PCDHGB1: variants seen among roughly 807,000 people sequenced by gnomAD.
PCDHGB1 encodes protocadherin gamma-B1.
Under a neutral mutation model 56.6 loss-of-function variants are expected in PCDHGB1, and 34 were observed. That is an observed-to-expected ratio of 0.60 (90% confidence interval 0.46 to 0.80). The LOEUF is 0.80. Ranked by LOEUF, PCDHGB1 falls within the 30% of genes least tolerant of loss-of-function variation. PCDHGB1 has a pLI of 0.00. For synonymous variants in PCDHGB1, 561 were observed against 505.9 expected (o/e 1.11, Z -1.46); for missense variants, 1,278 against 1,204.6 (o/e 1.06, Z -0.90).
chr5:141,364,757 A>G, intron 1 of PCDHGB1: 4 of 1,613,960 alleles, frequency 2.5e-6, no homozygotes, highest in Non-Finnish European at 3.4e-6. Flanking sequence ...AGTAAAAGTT[A>G]ATGAAAATGC....
At position 141,388,975 on chromosome 5, in the gene PCDHGB1, T is replaced by C. The variant is rs1293529479; in HGVS notation, c.2409+36306T>C. The C allele has an allele frequency of 6.8e-6, 11 of 1,613,888 alleles. No homozygotes were observed. The highest frequency in any genetic ancestry group is 8.5e-6 in the Non-Finnish European group (10 of 1,179,894). On this transcript the variant is annotated intron_variant, in intron 1 of 3. Transcript: ENST00000523390. ...GAGGACGCCGAGCTGGGAACACATATTGCTTTGCTCAAAGTCCGTGACAAG... is the reference window on the plus strand; with the variant it reads ...GAGGACGCCGAGCTGGGAACACATACTGCTTTGCTCAAAGTCCGTGACAAG...
In PCDHGB1 at chr5:141,432,508, G is replaced by A. The variant is rs1306067848; in HGVS notation, c.2410-62299G>A. ...TGGAGCTGGCTCCCCGCTCCGCAGA[G>A]CCCGGCTACCTGGTGACCAAGGTGG... On this transcript the variant is annotated intron_variant, in intron 1 of 3. Coordinates refer to ENST00000523390, the MANE Select transcript of PCDHGB1 (RefSeq NM_018922.3). This position sits in a 1 kb window ranked among gnomAD's most constrained non-coding sequence, Gnocchi z 6.0. The A allele has an allele frequency of 1.9e-6, 3 of 1,614,136 alleles. No individual in the cohort carries two copies. Among genetic ancestry groups the A allele is most frequent in the Non-Finnish European group, 2.5e-6 (3 of 1,180,034 alleles).
In PCDHGB1 at chr5:141,486,269, G is replaced by T; in HGVS notation, c.2410-8538G>T. 6.2e-7 allele frequency: 1 copy of T among 1,613,996 alleles called. No homozygotes were observed. The highest frequency in any genetic ancestry group is 8.5e-7 in the Non-Finnish European group (1 of 1,179,956). On this transcript the variant is annotated intron_variant, in intron 1 of 3. Transcript: ENST00000523390. The surrounding 1 kb of genome is among the most constrained non-coding windows in gnomAD (Gnocchi z 5.0). ...AACCCTCCCCGAGAGTGCAGAACCT[G>T]GCACTGTGGTGGCACTTATCAGTGT...
rs191188858 is a variant in PCDHGB1, at chr5:141,472,077, A to G, written c.2410-22730A>G. On this transcript the variant is annotated intron_variant, in intron 1 of 3. Transcript: ENST00000523390. ...GATTGACATGTCTGTGGTTATATCA[A>G]TGAGTACTATTATTATTCCCATTTT... 2.4e-3 allele frequency among the ~76,000 whole-genome samples: 365 copies of G among 152,346 alleles called. 2 individuals carry two copies. Among genetic ancestry groups the G allele is most frequent in the African/African-American group, 8.4e-3 (351 of 41,580 alleles).
chr5:141,357,567 G>A (rs751974557), intron 1 of PCDHGB1: 5 of 1,614,096 alleles, frequency 3.1e-6, no homozygotes, highest in African/African-American at 2.7e-5. Flanking sequence ...AGAAAAGCGA[G>A]CCTCTTCTGA....
chr5:141,375,535 C>T (rs548065153), intron 1 of PCDHGB1: 89 of 1,614,018 alleles, frequency 5.5e-5, no homozygotes, highest in Non-Finnish European at 6.9e-5. Flanking sequence ...TGGACCAGAA[C>T]GCCCAAGTCT....
chr5:141,405,435 T>C, intron 1 of PCDHGB1: 1 of 1,463,324 alleles, frequency 6.8e-7, no homozygotes, highest in Non-Finnish European at 9.3e-7. Context: ...TTGTTTTGTT[T>C]TTGAGACAGA....
intron 1 of PCDHGB1, chr5:141,361,324 T>G (rs767058928): frequency 6.2e-7 from 1 of 1,613,936 alleles, no homozygotes. Context: ...TTTGAAATCT[T>G]CCTCAAAGAA....
In PCDHGB1 at chr5:141,360,370, C is replaced by T. The variant is rs115198789; in HGVS notation, c.2409+7701C>T. 18 of 1,613,810 alleles carry T rather than the reference C, an allele frequency of 1.1e-5. No homozygotes were observed. The highest frequency in any genetic ancestry group is 1.4e-5 in the Non-Finnish European group (17 of 1,179,800). On this transcript the variant is annotated intron_variant, in intron 1 of 3. Coordinates refer to ENST00000523390, the MANE Select transcript of PCDHGB1 (RefSeq NM_018922.3). ...GGAGAAGGAATATTTCACAGTAAAC[C>T]CAGAAAGCGGAGACTTACTTGTGAG...
At chr5:141,387,197 T>C (rs1417433412) in intron 1 of PCDHGB1, among the ~76,000 whole-genome samples, 1 of 152,220 alleles carries the variant, frequency 6.6e-6, no homozygotes, top group East Asian at 1.9e-4. Flanking sequence ...AATTTTGGTA[T>C]TACTGATACT....
chr5:141,376,538 T>C, intron 1 of PCDHGB1: 1 of 1,613,126 alleles, frequency 6.2e-7, no homozygotes, highest in African/African-American at 1.3e-5. Flanking sequence ...GCGGGAAGAG[T>C]AATCTGATCT....
chr5:141,417,721 C>A, intron 1 of PCDHGB1: 2 of 1,330,572 alleles, frequency 1.5e-6, no homozygotes, highest in Non-Finnish European at 2.0e-6. Context: ...CCCGGCTGCG[C>A]AGACCTTGCC....
chr5:141,372,611 T>C, intron 1 of PCDHGB1: 5 of 1,613,998 alleles, frequency 3.1e-6, no homozygotes, highest in Non-Finnish European at 4.2e-6. Flanking sequence ...TACCTGGAGT[T>C]CTCCCCACCT....
In PCDHGB1 at chr5:141,351,748, G is replaced by A; in HGVS notation, c.1488G>A (p.Glu496=). 1 of 1,613,678 alleles carries A rather than the reference G, an allele frequency of 6.2e-7. No homozygotes were observed. Residue 496 remains glutamate, a synonymous_variant, in exon 1 of 4, where the codon GAG becomes GAA. Coordinates refer to ENST00000523390, the MANE Select transcript of PCDHGB1 (RefSeq NM_018922.3). ...TGGCCAGTGACCTGGAGCCGCGGGA[G>A]CTGTTGTCCTACGTGTCCGTGAGCC... The part of the protein sequence containing the change: ...SILASDLEPR[E]LLSYVSVSPQ...
chr5:141,432,908 C>G lies in PCDHGB1; in HGVS notation c.2410-61899C>G, dbSNP rs757934634. 6.2e-7 allele frequency: 1 copy of G among 1,614,168 alleles called. No homozygotes were observed. Reference sequence around the variant, plus strand: ...CATCTTGCTGCTGGCGCTCAGGCTGCGGCGCTGGCACAAGTCACGCCTGCT... The same window carrying G: ...CATCTTGCTGCTGGCGCTCAGGCTGGGGCGCTGGCACAAGTCACGCCTGCT... On this transcript the variant is annotated intron_variant, in intron 1 of 3. Transcript: ENST00000523390. This position sits in a 1 kb window ranked among gnomAD's most constrained non-coding sequence, Gnocchi z 6.0.
chr5:141,439,354 C>G (rs746525653), intron 1 of PCDHGB1, among the ~76,000 whole-genome samples: 7 of 152,186 alleles, frequency 4.6e-5, no homozygotes, highest in Admixed American at 4.6e-4. Context: ...TACAAATACT[C>G]AAACATCAAG....
chr5:141,415,134 C>T (rs760482028), intron 1 of PCDHGB1: 10 of 1,613,552 alleles, frequency 6.2e-6, no homozygotes, highest in South Asian at 3.3e-5. Context: ...TCCAGGACCA[C>T]GGCCAGCCCC....
At position 141,490,132 on chromosome 5, in the gene PCDHGB1, A is replaced by C. The variant is rs1245562757; in HGVS notation, c.2410-4675A>C. On this transcript the variant is annotated intron_variant, in intron 1 of 3. Coordinates refer to ENST00000523390, the MANE Select transcript of PCDHGB1 (RefSeq NM_018922.3). This position sits in a 1 kb window ranked among gnomAD's most constrained non-coding sequence, Gnocchi z 5.4. ...GCGGAACCTCTTTGGCCTAGACCCT[A>C]GCAGTGGGGCAATCCATGTGTTGGG... 6.2e-7 allele frequency: 1 copy of C among 1,614,220 alleles called. No individual in the cohort carries two copies. Among genetic ancestry groups the C allele is most frequent in the South Asian group, 1.1e-5 (1 of 91,088 alleles).
In PCDHGB1 at chr5:141,353,262, A is replaced by G. The variant is rs1401418030; in HGVS notation, c.2409+593A>G. On this transcript the variant is annotated intron_variant, in intron 1 of 3. Transcript: ENST00000523390. ...AGTGCCTTTTCTTAGTTGATATGCA[A>G]TACTATATTTTCAAGTCATTTTATT... Among the ~76,000 whole-genome samples, 4 of 152,180 alleles carry G rather than the reference A, an allele frequency of 2.6e-5. No individual in the cohort carries two copies. In the East Asian group the frequency reaches 7.7e-4, roughly 29 times the overall value.
Sources: allele counts gnomAD v4.1 joint callset (sites outside exome capture counted in the v4.1 genomes callset), GRCh38; gene constraint gnomAD v4.1.1; non-coding constraint Gnocchi (gnomAD v3.1); transcripts MANE v1.5; gene names NCBI Gene and HGNC (gene_info 2026-07-23, HGNC 2026-07-21).